The following FBRSL1 variants were observed in gnomAD, a reference collection of about 807,000 sequenced individuals.
The protein encoded by FBRSL1 is fibrosin-1-like protein.
A neutral mutation model predicts 89.6 loss-of-function variants in FBRSL1; 51 were observed. The ratio of observed to expected loss-of-function variants is 0.57; its 90% CI spans 0.45 to 0.72. FBRSL1 has a LOEUF of 0.72. Among genes scored for constraint, FBRSL1 ranks in the 30% least tolerant of loss-of-function variants. The probability of loss-of-function intolerance (pLI) is 0.00; values close to 1 mark genes in which losing one functional copy is unlikely to be tolerated. For missense variants in FBRSL1, 1,618 were observed against 1,451.8 expected (o/e 1.11, Z -1.86); for synonymous variants, 779 against 681.1 (o/e 1.14, Z -2.24).
At chr12:132,537,147 G>T (rs931260638) in intron 4 of FBRSL1, among the ~76,000 whole-genome samples, 1 of 152,202 alleles carries the variant, frequency 6.6e-6, no homozygotes, top group Non-Finnish European at 1.5e-5. Context: ...GAGGGCAGAG[G>T]GTTAGGGATG....
At chr12:132,538,580 G>GCA (rs1383334443) in intron 4 of FBRSL1, among the ~76,000 whole-genome samples, 1 of 152,234 alleles carries the variant, frequency 6.6e-6, no homozygotes, top group Admixed American at 6.5e-5. Context: ...CCACCGGGAG[G>GCA]CACCCTCGCA....
At chr12:132,534,574 C>A (rs755515437) in intron 4 of FBRSL1, among the ~76,000 whole-genome samples, 5 of 152,276 alleles carry the variant, frequency 3.3e-5, no homozygotes, top group African/African-American at 1.2e-4. Context: ...CTTCCCGCAG[C>A]GGGCACGCGC....
At chr12:132,502,923 G>A (rs1052578833) in intron 1 of FBRSL1, among the ~76,000 whole-genome samples, 3 of 142,938 alleles carry the variant, frequency 2.1e-5, no homozygotes, top group Non-Finnish European at 4.6e-5. Context: ...ATTCACACCC[G>A]TCCTGGCACC....
chr12:132,583,146 G>T lies in FBRSL1; in HGVS notation c.2377G>T (p.Ala793Ser). 1 of 1,465,494 alleles carries T rather than the reference G, an allele frequency of 6.8e-7. No individual in the cohort carries two copies. The highest frequency in any genetic ancestry group is 2.4e-5 in the Admixed American group (1 of 42,486). 90.8% of individuals were successfully genotyped at this position (1,465,494 alleles called of 1,614,324 possible). The change falls in exon 19 of 19, where the codon GCC (alanine) becomes TCC (serine). Residue 793 changes from alanine (A) to serine (S), a missense_variant. Physicochemically the swap from Ala to Ser is moderately conservative, Grantham distance 99. Coordinates refer to ENST00000680143, the MANE Select transcript of FBRSL1 (RefSeq NM_001367871.1). Reference protein sequence around the residue: ...KESRSPAKEEAAKMPARASPP... With the variant: ...KESRSPAKEESAKMPARASPP... ...GAGCCGCTCCCCGGCCAAGGAGGAG[G>T]CCGCCAAGATGCCCGCGCGCGCATC...
At chr12:132,507,893 C>T (rs1397375507) in intron 1 of FBRSL1, among the ~76,000 whole-genome samples, 1 of 152,130 alleles carries the variant, frequency 6.6e-6, no homozygotes, top group Non-Finnish European at 1.5e-5. Flanking sequence ...AGACTCCCTG[C>T]TGGACTAAGC....
chr12:132,571,408 T>G, intron 9 of FBRSL1, 177 bp downstream of exon 9: 1 of 1,549,078 alleles, frequency 6.5e-7, no homozygotes, highest in Non-Finnish European at 8.7e-7. Context: ...GCGGGCGGAG[T>G]TCCATCAGCA....
At chr12:132,573,993 A>C in intron 11 of FBRSL1, 97 bp from the exon 12 acceptor site, 1 of 826,980 alleles carries the variant, frequency 1.2e-6, no homozygotes, top group Non-Finnish European at 1.5e-6. Flanking sequence ...CGGCAAGGCA[A>C]AGCAGGGCAC....
rs1365054323 is a variant in FBRSL1, at chr12:132,528,572, C to T, written c.615+584C>T. 2.0e-5 allele frequency among the ~76,000 whole-genome samples: 3 copies of T among 147,532 alleles called. No homozygotes were observed. The East Asian group carries it at 6.0e-4, about 29-fold the overall frequency. On this transcript the variant is annotated intron_variant, in intron 4 of 18. Coordinates refer to ENST00000680143, the MANE Select transcript of FBRSL1 (RefSeq NM_001367871.1). ...ATGACGGGTGTGTGCCCAGGGGGAGCGGGTGTGTTTCCCGGGGGGAGCGGG... is the reference window on the plus strand; with the variant it reads ...ATGACGGGTGTGTGCCCAGGGGGAGTGGGTGTGTTTCCCGGGGGGAGCGGG...
chr12:132,567,928 G>A (rs1220008133), intron 6 of FBRSL1, among the ~76,000 whole-genome samples: 2 of 152,188 alleles, frequency 1.3e-5, no homozygotes, highest in African/African-American at 2.4e-5. Context: ...CTGCCTGCGC[G>A]CCTCTGTGGT....
At chr12:132,501,966 C>T (rs571651942) in intron 1 of FBRSL1, among the ~76,000 whole-genome samples, 1 of 152,256 alleles carries the variant, frequency 6.6e-6, no homozygotes, top group Non-Finnish European at 1.5e-5. Context: ...TCCTCTAAAT[C>T]TAAATCCAAA....
chr12:132,555,422 C>T (rs2038542944), intron 5 of FBRSL1, among the ~76,000 whole-genome samples: 2 of 143,370 alleles, frequency 1.4e-5, no homozygotes, highest in African/African-American at 5.3e-5. Flanking sequence ...CGAGCGTGAG[C>T]ATGGCCTCCA....
At chr12:132,501,866 C>G (rs1358012693) in intron 1 of FBRSL1, among the ~76,000 whole-genome samples, 1 of 152,226 alleles carries the variant, frequency 6.6e-6, no homozygotes, top group Non-Finnish European at 1.5e-5. Flanking sequence ...CTGCCCAGAT[C>G]TCTGCTCACA....
chr12:132,572,735 T>C, intron 11 of FBRSL1, 113 bp downstream of exon 11: 3 of 772,684 alleles, frequency 3.9e-6, no homozygotes, highest in South Asian at 1.6e-5. Context: ...TTCCCTCCCT[T>C]GTACCTGTCG....
intron 5 of FBRSL1, among the ~76,000 whole-genome samples, chr12:132,562,215 C>T (rs892518970): frequency 1.1e-4 from 16 of 152,142 alleles, no homozygotes; most frequent in South Asian, 2.1e-4. Flanking sequence ...GATGTTGAGG[C>T]GAGCAGAGAG....
In FBRSL1 at chr12:132,530,740, AG is replaced by A. The variant is rs1404296431; in HGVS notation, c.615+2757del. ...GGGGGTGGGGCTGGGGGGTGGGGGG[AG>A]GGGGAAGGGGGGAGGGGCTGGCCTG... On this transcript the variant is annotated intron_variant, in intron 4 of 18. Coordinates refer to ENST00000680143, the MANE Select transcript of FBRSL1 (RefSeq NM_001367871.1). Among the ~76,000 whole-genome samples the A allele has an allele frequency of 4.4e-3, 20 of 4,538 alleles. No homozygotes were observed. In the South Asian group the frequency reaches 0.071, roughly 16 times the overall value. The allele number at this position is 4,538 out of a possible 152,430, so 3.0% of individuals were successfully genotyped here. A position where few individuals can be genotyped will look rare whatever the true frequency, so the allele number is the denominator to read the frequency against.
chr12:132,582,096 C>T lies in FBRSL1; in HGVS notation c.2031C>T (p.Gly677=). ...PGGSIFAPKE[G]SSVHGLPSPH... ...GCAGCATCTTTGCCCCCAAGGAGGG[C>T]TCCTCCGTGCACGGCCTGCCCAGCC... Residue 677 remains glycine (G), a synonymous_variant, in exon 18 of 19, where the codon GGC becomes GGT. Transcript: ENST00000680143. 1.3e-6 allele frequency: 2 copies of T among 1,549,192 alleles called. No individual in the cohort carries two copies. Among genetic ancestry groups the T allele is most frequent in the Non-Finnish European group, 1.7e-6 (2 of 1,146,330 alleles).
Position 132,570,011 on chromosome 12 carries a change from G to C in FBRSL1, c.777G>C (p.Glu259Asp), listed in dbSNP as rs2039897567. The change falls in exon 7 of 19, where the codon GAG becomes GAC. Residue 259 changes from glutamate (E) to aspartate (D), a missense_variant. Coordinates refer to ENST00000680143, the MANE Select transcript of FBRSL1 (RefSeq NM_001367871.1). Reference protein sequence around the residue: ...GLERSRELSAESFLPTASPAP... With the variant: ...GLERSRELSADSFLPTASPAP... ...AGCGCAGCCGCGAGCTCAGCGCCGA[G>C]AGCTTCCTGCCCACTGCCAGCCCCG... 1.3e-6 allele frequency: 2 copies of C among 1,512,324 alleles called. No individual in the cohort carries two copies. Among genetic ancestry groups the C allele is most frequent in the South Asian group, 1.2e-5 (1 of 81,056 alleles). The allele number at this position is 1,512,324 out of a possible 1,614,324, so 93.7% of individuals were successfully genotyped here.
chr12:132,506,392 G>A (rs1204054567), intron 1 of FBRSL1, among the ~76,000 whole-genome samples: 1 of 152,212 alleles, frequency 6.6e-6, no homozygotes, highest in Admixed American at 6.5e-5. Flanking sequence ...GTGTGGAGCG[G>A]GCCTGGGGGA....
chr12:132,542,297 A>G (rs927364039), intron 4 of FBRSL1, among the ~76,000 whole-genome samples: 5 of 152,216 alleles, frequency 3.3e-5, no homozygotes, highest in African/African-American at 1.2e-4. Flanking sequence ...CAGGCCACAC[A>G]TGCTCAGCCA....
Sources: gnomAD v4.1 joint callset for allele counts (sites outside exome capture counted in the v4.1 genomes callset) on GRCh38, gnomAD v4.1.1 for gene constraint, MANE v1.5 for transcripts, NCBI Gene and HGNC (gene_info 2026-07-23, HGNC 2026-07-21) for gene names.